The following FRMPD3 variants were observed in gnomAD, a reference collection of about 807,000 sequenced individuals.
FRMPD3 encodes the protein FERM and PDZ domain-containing protein 3.
FRMPD3 carries 42 observed loss-of-function variants against 97.9 expected under a neutral mutation model. The observed-to-expected ratio is 0.43, with a 90% confidence interval of 0.34 to 0.55. FRMPD3 has a LOEUF of 0.55. Among genes scored for constraint, FRMPD3 ranks in the 20% least tolerant of loss-of-function variants. FRMPD3 has a pLI of 0.03. For synonymous variants in FRMPD3, 577 were observed against 581.1 expected (o/e 0.99, Z 0.10); for missense variants, 1,303 against 1,457.7 (o/e 0.89, Z 1.73).
intron 8 of FRMPD3, 83 bp from the exon 9 acceptor site, chrX:107,560,174 G>T (rs1176695465): frequency 1.1e-5 from 12 of 1,078,460 alleles, no homozygotes; most frequent in Non-Finnish European, 1.5e-5. Flanking sequence ...TATGAGTATT[G>T]TCTGGGATGT....
intron 1 of FRMPD3, among the ~76,000 whole-genome samples, chrX:107,483,014 C>T (rs1437554849): frequency 8.9e-6 from 1 of 112,176 alleles, no homozygotes; most frequent in Non-Finnish European, 1.9e-5. Context: ...TCTATAGACC[C>T]AGCTGTTTCC....
At chrX:107,600,180 C>T in intron 14 of FRMPD3, 123 bp from the exon 15 acceptor site, 1 of 913,311 alleles carries the variant, frequency 1.1e-6, no homozygotes, top group South Asian at 2.7e-5. Flanking sequence ...TGAGCATCTG[C>T]AAGTTTTGGA....
intron 3 of FRMPD3, among the ~76,000 whole-genome samples, chrX:107,530,779 CCAAA>C (rs771586320): frequency 1.5e-4 from 17 of 110,864 alleles, no homozygotes; most frequent in African/African-American, 5.3e-4. Flanking sequence ...CTCCTTCCAC[CCAAA>C]CAATCTCTTC....
At chrX:107,552,676 C>G (rs1336727752) in intron 6 of FRMPD3, 119 bp from the exon 7 acceptor site, 1 of 799,435 alleles carries the variant, frequency 1.3e-6, no homozygotes, top group Non-Finnish European at 1.7e-6. Context: ...AGTGTTGCAG[C>G]CTTCTCCCCA....
At position 107,552,902 on chromosome X, in the gene FRMPD3, T is replaced by G. The variant is rs183804242; in HGVS notation, c.618T>G (p.Leu206=). Residue 206 remains leucine (L), a synonymous_variant, in exon 7 of 15, where the codon CTT becomes CTG. Coordinates refer to ENST00000683843, the MANE Select transcript of FRMPD3 (RefSeq NM_001388459.1). ...AACAGAATCACAAGTTTCTGCTTCT[T>G]CAGGACAAGCAACCCCTGGCTTATG... is the stretch of plus-strand genomic sequence containing the variant. ...GPEQNHKFLL[L]QDKQPLAYVV... 1 of 1,207,509 alleles carries G rather than the reference T, an allele frequency of 8.3e-7. No individual in the cohort carries two copies. The highest frequency in any genetic ancestry group is 3.0e-5 in the East Asian group (1 of 33,706).
intron 13 of FRMPD3, among the ~76,000 whole-genome samples, chrX:107,576,775 C>T (rs1422147696): frequency 3.6e-5 from 4 of 111,892 alleles, no homozygotes; most frequent in Admixed American, 1.9e-4. Context: ...GCAAACTTAG[C>T]GGTGCAGAGA....
chrX:107,558,285 G>T (rs966089870), intron 8 of FRMPD3, among the ~76,000 whole-genome samples: 6 of 110,850 alleles, frequency 5.4e-5, no homozygotes, highest in Admixed American at 4.8e-4. Context: ...TATTGTAAAT[G>T]ATTTTGATTT....
In FRMPD3 at chrX:107,577,915, A is replaced by T. The variant is rs1014785759; in HGVS notation, c.1441+1456A>T. Among the ~76,000 whole-genome samples, 10 of 111,917 alleles carry T rather than the reference A, an allele frequency of 8.9e-5. No homozygotes were observed. The East Asian group carries it at 1.4e-3, about 16-fold the overall frequency. ...GGTGGCCCCAAGGCATATGAAGGAGATTCCACATAGAAAAGCAAAGGAGCT... is the reference window on the plus strand; with the variant it reads ...GGTGGCCCCAAGGCATATGAAGGAGTTTCCACATAGAAAAGCAAAGGAGCT... On this transcript the variant is annotated intron_variant, in intron 13 of 14. Coordinates refer to ENST00000683843, the MANE Select transcript of FRMPD3 (RefSeq NM_001388459.1).
intron 1 of FRMPD3, among the ~76,000 whole-genome samples, chrX:107,466,477 T>C (rs989707217): frequency 1.8e-5 from 2 of 112,418 alleles, no homozygotes; most frequent in African/African-American, 6.5e-5. Context: ...CTGGGGGCTT[T>C]CCTCTTTCAC....
chrX:107,585,244 G>T (rs1437571662), intron 13 of FRMPD3, among the ~76,000 whole-genome samples: 2 of 110,887 alleles, frequency 1.8e-5, no homozygotes, highest in Non-Finnish European at 3.8e-5. Context: ...CTCTCTGCTT[G>T]TCTATTGTTG....
In FRMPD3 at chrX:107,526,588, G is replaced by A; in HGVS notation, c.-1G>A. The A allele has an allele frequency of 8.4e-7, 1 of 1,193,005 alleles. No homozygotes were observed. Among genetic ancestry groups the A allele is most frequent in the East Asian group, 3.0e-5 (1 of 33,633 alleles). ...CACCTTCCCTTTTCCCCAGTCATGT[G>A]ATGCAGGAAGAGAGCGCAAATGATA... is the stretch of plus-strand genomic sequence containing the variant. On this transcript the variant is annotated 5_prime_UTR_variant, in exon 2 of 15. Transcript: ENST00000683843.
intron 1 of FRMPD3, among the ~76,000 whole-genome samples, chrX:107,511,181 T>C (rs1396417727): frequency 3.6e-5 from 4 of 111,907 alleles, no homozygotes; most frequent in African/African-American, 1.3e-4. Context: ...GAGAAAGGCC[T>C]ACTCATTGTC....
rs1924494418 is a variant in FRMPD3 at position 107,601,298 on chromosome X, C to T, written c.3259C>T (p.Pro1087Ser). 1 of 1,208,049 alleles carries T rather than the reference C, an allele frequency of 8.3e-7. No individual in the cohort carries two copies. The change falls in exon 15 of 15, where the codon CCA (proline) becomes TCA (serine). Residue 1087 changes from proline (P) to serine (S), a missense_variant. By Grantham distance (74) the Pro-to-Ser change is moderately conservative (BLOSUM62 -1). Around this residue, in one of 3 missense-constraint regions of FRMPD3, gnomAD observed 764 missense variants for 820.2 expected, o/e 0.93. Coordinates refer to ENST00000683843, the MANE Select transcript of FRMPD3 (RefSeq NM_001388459.1). ...ATGEVAGKGG[P>S]VGGKPTLQKQ... ...AGGGGAGGTGGCAGGCAAAGGCGGG[C>T]CAGTGGGTGGTAAGCCCACCCTGCA...
In FRMPD3 at chrX:107,509,803, G is replaced by T. The variant is rs1449392067; in HGVS notation, c.-7-16779G>T. On this transcript the variant is annotated intron_variant, in intron 1 of 14. Coordinates refer to ENST00000683843, the MANE Select transcript of FRMPD3 (RefSeq NM_001388459.1). ...CCAGGTAACACATGGTTTTATATTA[G>T]TCTGTTTACATACCTGCCTCCACCT... Among the ~76,000 whole-genome samples the T allele has an allele frequency of 4.5e-5, 5 of 110,943 alleles. No homozygotes were observed. The East Asian group carries it at 1.1e-3, about 25-fold the overall frequency.
chrX:107,513,890 G>A (rs773771405), intron 1 of FRMPD3, among the ~76,000 whole-genome samples: 6 of 112,019 alleles, frequency 5.4e-5, no homozygotes, highest in Non-Finnish European at 9.4e-5. Flanking sequence ...TACTTTTATG[G>A]GGTTTAAAGC....
chrX:107,475,256 A>C (rs1921169986), intron 1 of FRMPD3, among the ~76,000 whole-genome samples: 1 of 111,661 alleles, frequency 9.0e-6, no homozygotes, highest in African/African-American at 3.3e-5. Flanking sequence ...CCTTAATCCC[A>C]GCTCTCCTCC....
intron 4 of FRMPD3, among the ~76,000 whole-genome samples, chrX:107,539,064 A>AG (rs1921162294): frequency 8.9e-6 from 1 of 112,574 alleles, no homozygotes; most frequent in Admixed American, 9.4e-5. Flanking sequence ...CAGAAAAAAA[A>AG]AAAGAAAACA....
intron 1 of FRMPD3, among the ~76,000 whole-genome samples, chrX:107,507,695 G>A (rs1196726851): frequency 5.3e-5 from 6 of 112,344 alleles, no homozygotes; most frequent in Non-Finnish European, 1.1e-4. Flanking sequence ...TAGCAATCGG[G>A]AATATGCAGG....
intron 1 of FRMPD3, among the ~76,000 whole-genome samples, chrX:107,519,061 G>A (rs1922429759): frequency 1.8e-5 from 2 of 112,186 alleles, no homozygotes; most frequent in African/African-American, 3.2e-5. Flanking sequence ...GCTTCCATGG[G>A]TTGGGAAGGG....
Sources: gnomAD v4.1 joint callset for allele counts (sites outside exome capture counted in the v4.1 genomes callset) on GRCh38, gnomAD v4.1.1 for gene constraint, gnomAD v4.1.1 regional missense constraint, MANE v1.5 for transcripts, NCBI Gene and HGNC (gene_info 2026-07-23, HGNC 2026-07-21) for gene names.